The following ILDR2 variants were observed in gnomAD, a reference collection of about 807,000 sequenced individuals.
The protein encoded by ILDR2 is immunoglobulin-like domain-containing receptor 2.
Under a neutral mutation model 66.8 loss-of-function variants are expected in ILDR2, and 25 were observed. The ratio of observed to expected loss-of-function variants is 0.37; its 90% CI spans 0.27 to 0.52. The LOEUF is 0.52. Ranked by LOEUF, ILDR2 falls within the 20% of genes least tolerant of loss-of-function variation. ILDR2 has a pLI of 0.88. For missense variants in ILDR2, 827 were observed against 876.8 expected, an observed-to-expected ratio of 0.94 and a Z score of 0.72; for synonymous variants, 367 against 357.2, an observed-to-expected ratio of 1.03 and a Z score of -0.31.
intron 7 of ILDR2, 86 bp downstream of exon 7, chr1:166,926,981 C>A (rs1437862630): frequency 1.7e-5 from 14 of 838,500 alleles, no homozygotes; most frequent in East Asian, 2.6e-5. Context: ...AAGCTCAGGG[C>A]TGCCCAAGTT....
chr1:166,936,776 C>T lies in ILDR2; in HGVS notation c.557-39G>A. The T allele has an allele frequency of 6.2e-7, 1 of 1,608,978 alleles. No individual in the cohort carries two copies. The highest frequency in any genetic ancestry group is 8.5e-7 in the Non-Finnish European group (1 of 1,176,412). On this transcript the variant is annotated intron_variant, in intron 4 of 9. Transcript: ENST00000271417. This position sits in a 1 kb window ranked among gnomAD's most constrained non-coding sequence, Gnocchi z 5.0. The stretch of plus-strand genomic sequence containing the variant: ...CAAAGAAATCCACACTCGAGGCAGC[C>T]CACCTCCAGGGCAGGGTGCACTTTG...
At chr1:166,952,317 G>C (rs1662027887) in intron 3 of ILDR2, among the ~76,000 whole-genome samples, 1 of 152,096 alleles carries the variant, frequency 6.6e-6, no homozygotes, top group South Asian at 2.1e-4. Context: ...CTGCTGGTAT[G>C]GCCCTATGAT....
At chr1:166,975,073 C>A (rs1261290528) in intron 1 of ILDR2, 150 bp downstream of exon 1, 1 of 618,420 alleles carries the variant, frequency 1.6e-6, no homozygotes, top group Non-Finnish European at 3.0e-6. Context: ...CAAACACACA[C>A]GTTGCCCCCT....
At position 166,915,757 on chromosome 1, in the gene ILDR2, T is replaced by C. The variant is rs1659618253; in HGVS notation, c.*3598A>G. ...TGAAATTTTGTGGACTATTCAGAAA[T>C]ATTTACAGATGTGGTCAGGTGCCTT... On this transcript the variant is annotated 3_prime_UTR_variant, in exon 10 of 10. Transcript: ENST00000271417. 6.6e-6 allele frequency: 1 copy of C among 152,226 alleles called. No homozygotes were observed. The highest frequency in any genetic ancestry group is 1.5e-5 in the Non-Finnish European group (1 of 68,056). 9.4% of individuals were successfully genotyped at this position (152,226 alleles called of 1,614,324 possible).
chr1:166,948,450 TTCA>T (rs1241537908), intron 3 of ILDR2, among the ~76,000 whole-genome samples: 1 of 152,188 alleles, frequency 6.6e-6, no homozygotes, highest in African/African-American at 2.4e-5. Context: ...CCCTCCAGAC[TTCA>T]TCAAATGGCC....
In ILDR2 at chr1:166,921,785, G is replaced by A. The variant is rs531704203; in HGVS notation, c.1212-406C>T. Among the ~76,000 whole-genome samples the A allele has an allele frequency of 1.3e-5, 2 of 152,204 alleles. No individual in the cohort carries two copies. The highest frequency in any genetic ancestry group is 2.9e-5 in the Non-Finnish European group (2 of 68,030). ...TCCCTGTAATGTGTGGTGACACACA[G>A]AGAGGCCTTTTCTTCCCTCAGAGCC... is the stretch of plus-strand genomic sequence containing the variant. On this transcript the variant is annotated intron_variant, in intron 8 of 9. Transcript: ENST00000271417. The surrounding 1 kb of genome is among the most constrained non-coding windows in gnomAD (Gnocchi z 5.3).
intron 1 of ILDR2, among the ~76,000 whole-genome samples, chr1:166,964,110 G>A (rs1662786004): frequency 6.6e-6 from 1 of 150,406 alleles, no homozygotes; most frequent in Non-Finnish European, 1.5e-5. Context: ...GAGTATACCT[G>A]TAAAAATTAG....
At chr1:166,950,168 T>C (rs1352639360) in intron 3 of ILDR2, among the ~76,000 whole-genome samples, 2 of 152,242 alleles carry the variant, frequency 1.3e-5, no homozygotes, top group Non-Finnish European at 2.9e-5. Flanking sequence ...TGTAATTAAT[T>C]CCTTTTCTCC....
At chr1:166,940,454 T>C (rs1297033349) in intron 3 of ILDR2, among the ~76,000 whole-genome samples, 1 of 152,196 alleles carries the variant, frequency 6.6e-6, no homozygotes, top group Non-Finnish European at 1.5e-5. Context: ...TCTAAACTAG[T>C]AGTACCATAA....
rs1295015698 is a variant in ILDR2 at position 166,918,385 on chromosome 1, A to G, written c.*970T>C. On this transcript the variant is annotated 3_prime_UTR_variant, in exon 10 of 10. Coordinates refer to ENST00000271417, the MANE Select transcript of ILDR2 (RefSeq NM_199351.3). ...AATGGTCCACATTCAAAATATAATG[A>G]GATGATGTTATTTCCCTTTTAAATT... 1 of 152,198 alleles carries G rather than the reference A, an allele frequency of 6.6e-6. No individual in the cohort carries two copies. The highest frequency in any genetic ancestry group is 1.5e-5 in the Non-Finnish European group (1 of 68,034). The allele number at this position is 152,198 out of a possible 1,614,324, so 9.4% of individuals were successfully genotyped here. A position where few individuals can be genotyped will look rare whatever the true frequency, so the allele number is the denominator to read the frequency against.
intron 1 of ILDR2, among the ~76,000 whole-genome samples, chr1:166,960,683 A>G (rs1299345533): frequency 6.6e-6 from 1 of 152,148 alleles, no homozygotes; most frequent in African/African-American, 2.4e-5. Context: ...AGGCTTGATT[A>G]CATCCAGATT....
chr1:166,974,912 T>C (rs1449189107), intron 1 of ILDR2, among the ~76,000 whole-genome samples: 2 of 152,202 alleles, frequency 1.3e-5, no homozygotes, highest in African/African-American at 4.8e-5. Context: ...AACCGTTTTA[T>C]GGAGGGGAAA....
Position 166,919,258 on chromosome 1 carries a change from G to T in ILDR2, c.*97C>A. ...AGATCAGCAAATCTTCCAAGGTGAT[G>T]GCCAGAGAAGGTCCTGGGCCTGCTG... On this transcript the variant is annotated 3_prime_UTR_variant, in exon 10 of 10. Coordinates refer to ENST00000271417, the MANE Select transcript of ILDR2 (RefSeq NM_199351.3). The T allele has an allele frequency of 8.8e-7, 1 of 1,139,376 alleles. No homozygotes were observed. 70.6% of individuals were successfully genotyped at this position (1,139,376 alleles called of 1,614,324 possible).
intron 1 of ILDR2, among the ~76,000 whole-genome samples, chr1:166,967,139 T>C (rs1298375032): frequency 6.6e-6 from 1 of 152,222 alleles, no homozygotes; most frequent in Non-Finnish European, 1.5e-5. Context: ...GACAAAGGTA[T>C]GTTAGGAGAA....
At chr1:166,940,080 A>C (rs1022092375) in intron 3 of ILDR2, among the ~76,000 whole-genome samples, 4 of 152,238 alleles carry the variant, frequency 2.6e-5, no homozygotes, top group Admixed American at 2.6e-4. Flanking sequence ...TTTCAAAGGC[A>C]AGGGAAAGAT....
rs1042000939 is a variant in ILDR2 at position 166,921,933 on chromosome 1, G to A, written c.1212-554C>T. On this transcript the variant is annotated intron_variant, in intron 8 of 9. Coordinates refer to ENST00000271417, the MANE Select transcript of ILDR2 (RefSeq NM_199351.3). This position sits in a 1 kb window ranked among gnomAD's most constrained non-coding sequence, Gnocchi z 5.3. ...GAGTGGTGAAGGTGCTATTTAGGGG[G>A]AATAGCAAATCTTAGCCTCCCACAA... Among the ~76,000 whole-genome samples, 4 of 152,136 alleles carry A rather than the reference G, an allele frequency of 2.6e-5. No homozygotes were observed. Among genetic ancestry groups the A allele is most frequent in the Admixed American group, 1.3e-4 (2 of 15,284 alleles).
At chr1:166,957,669 AGG>A in intron 2 of ILDR2, 98 bp downstream of exon 2, 3 of 1,030,038 alleles carry the variant, frequency 2.9e-6, no homozygotes, top group Non-Finnish European at 4.3e-6. Context: ...AGGGTCTGAA[AGG>A]GTGAGAGGCT....
intron 5 of ILDR2, among the ~76,000 whole-genome samples, 177 bp from the exon 6 acceptor site, chr1:166,935,654 C>T (rs1326784379): frequency 1.3e-5 from 2 of 152,170 alleles, no homozygotes; most frequent in Non-Finnish European, 2.9e-5. Context: ...CCCACTCCCT[C>T]GGACTCTCCA....
intron 3 of ILDR2, among the ~76,000 whole-genome samples, chr1:166,947,219 G>A (rs1661667231): frequency 6.6e-6 from 1 of 152,238 alleles, no homozygotes; most frequent in Admixed American, 6.5e-5. Context: ...ATGGAACGGG[G>A]AAAGTGAGTT....
Sources: gnomAD v4.1 joint callset for allele counts (sites outside exome capture counted in the v4.1 genomes callset) on GRCh38, gnomAD v4.1.1 for gene constraint, Gnocchi (gnomAD v3.1) non-coding constraint, MANE v1.5 for transcripts, NCBI Gene and HGNC (gene_info 2026-07-23, HGNC 2026-07-21) for gene names.